TC2N: variants seen among roughly 807,000 people sequenced by gnomAD.
The protein encoded by TC2N is tandem C2 domains, nuclear.
TC2N carries 51 observed loss-of-function variants against 61.9 expected under a neutral mutation model. The ratio of observed to expected loss-of-function variants is 0.82; its 90% confidence interval spans 0.66 to 1.04. TC2N has a LOEUF of 1.04. Among genes scored for constraint, TC2N ranks in the 50% least tolerant of loss-of-function variants. The pLI is 0.00. For synonymous variants in TC2N, 204 were observed against 192.6 expected, an observed-to-expected ratio of 1.06 and a Z score of -0.49; for missense variants, 556 against 566.7, an observed-to-expected ratio of 0.98 and a Z score of 0.19.
At chr14:91,861,875 T>G (rs1167493830) in intron 1 of TC2N, among the ~76,000 whole-genome samples, 3 of 152,066 alleles carry the variant, frequency 2.0e-5, no homozygotes, top group Admixed American at 6.6e-5. Context: ...GCCACTGCAC[T>G]GCAGCCTGGG....
rs561036274 is a variant in TC2N at position 91,808,793 on chromosome 14, A to G, written c.301+3519T>C. ...TCTTACCTTTTTTCTGATTATGAAA[A>G]TAATAGAGTAAAAACTCAAAATTAT... On this transcript the variant is annotated intron_variant, in intron 3 of 11. Transcript: ENST00000435962. Among the ~76,000 whole-genome samples the G allele has an allele frequency of 2.3e-4, 35 of 152,358 alleles. 1 individual carries two copies. In the South Asian group the frequency reaches 6.0e-3, roughly 26 times the overall value.
At chr14:91,820,666 A>C (rs1414331477) in intron 1 of TC2N, among the ~76,000 whole-genome samples, 1 of 151,686 alleles carries the variant, frequency 6.6e-6, no homozygotes, top group East Asian at 1.9e-4. Flanking sequence ...TCAAGAAGTA[A>C]AACACTCTTC....
At chr14:91,849,680 A>G (rs1468082249) in intron 1 of TC2N, among the ~76,000 whole-genome samples, 2 of 152,228 alleles carry the variant, frequency 1.3e-5, no homozygotes, top group Non-Finnish European at 2.9e-5. Flanking sequence ...TAGCATTTTT[A>G]TTCGACTATG....
At chr14:91,835,051 C>T (rs980428983) in intron 1 of TC2N, among the ~76,000 whole-genome samples, 1 of 152,216 alleles carries the variant, frequency 6.6e-6, no homozygotes, top group Non-Finnish European at 1.5e-5. Context: ...CTCATTTTCT[C>T]TCCACCTGAA....
chr14:91,853,866 G>T (rs1195077326), intron 1 of TC2N, among the ~76,000 whole-genome samples: 1 of 151,778 alleles, frequency 6.6e-6, no homozygotes, highest in Non-Finnish European at 1.5e-5. Flanking sequence ...CTGGGATCTG[G>T]CATAAGCTTC....
chr14:91,835,520 T>C (rs1247035052), intron 1 of TC2N, among the ~76,000 whole-genome samples: 1 of 152,232 alleles, frequency 6.6e-6, no homozygotes, highest in Admixed American at 6.5e-5. Context: ...TTTTAAATGT[T>C]CTAAAGAAAT....
chr14:91,822,824 C>T (rs1300497199), intron 1 of TC2N, among the ~76,000 whole-genome samples: 1 of 150,908 alleles, frequency 6.6e-6, no homozygotes, highest in Non-Finnish European at 1.5e-5. Flanking sequence ...ACGCCATTCT[C>T]CTGCCTTAGC....
intron 1 of TC2N, among the ~76,000 whole-genome samples, chr14:91,830,333 T>C (rs1159036463): frequency 6.6e-6 from 1 of 152,136 alleles, no homozygotes; most frequent in Non-Finnish European, 1.5e-5. Flanking sequence ...AAACAAAATG[T>C]GGTATACAGC....
rs1461829685 is a variant in TC2N, at chr14:91,785,453, T to A, written c.1163-92A>T. The stretch of plus-strand genomic sequence containing the variant: ...ACATCCAAGTTGGAATATATATATA[T>A]AACATTTATTGTAAAAAATATAGAT... On this transcript the variant is annotated intron_variant, in intron 10 of 11. Coordinates refer to ENST00000435962, the MANE Select transcript of TC2N (RefSeq NM_001128596.3). 3 of 828,694 alleles carry A rather than the reference T, an allele frequency of 3.6e-6. No individual in the cohort carries two copies. The Admixed American group carries it at 7.2e-5, about 20-fold the overall frequency. The allele number at this position is 828,694 out of a possible 1,614,324, so 51.3% of individuals were successfully genotyped here.
intron 1 of TC2N, among the ~76,000 whole-genome samples, chr14:91,843,469 G>T (rs1888203364): frequency 6.6e-6 from 1 of 152,086 alleles, no homozygotes. Flanking sequence ...TGTCCTTTGG[G>T]TTAGATATAA....
chr14:91,827,224 T>C (rs1231978297), intron 1 of TC2N, among the ~76,000 whole-genome samples: 1 of 152,210 alleles, frequency 6.6e-6, no homozygotes, highest in Non-Finnish European at 1.5e-5. Flanking sequence ...GATATTGTAT[T>C]ACTTTCCTAT....
At chr14:91,802,784 T>C (rs1886323358) in intron 3 of TC2N, among the ~76,000 whole-genome samples, 1 of 151,866 alleles carries the variant, frequency 6.6e-6, no homozygotes, top group African/African-American at 2.4e-5. Flanking sequence ...ACGTAGAACA[T>C]TTATTAAAAT....
At chr14:91,819,548 G>T (rs1421835281) in intron 1 of TC2N, among the ~76,000 whole-genome samples, 1 of 152,118 alleles carries the variant, frequency 6.6e-6, no homozygotes, top group East Asian at 1.9e-4. Flanking sequence ...TACACCACAA[G>T]AAGTGTTAAA....
At chr14:91,810,135 G>A (rs1886698137) in intron 3 of TC2N, among the ~76,000 whole-genome samples, 1 of 152,162 alleles carries the variant, frequency 6.6e-6, no homozygotes, top group Non-Finnish European at 1.5e-5. Flanking sequence ...GCAACAGCAG[G>A]AGCAAGAGAT....
At position 91,832,386 on chromosome 14, in the gene TC2N, G is replaced by A. The variant is rs530813390; in HGVS notation, c.-56-18561C>T. On this transcript the variant is annotated intron_variant, in intron 1 of 11. Transcript: ENST00000435962. Reference sequence around the variant, plus strand: ...GCATGGGCAATAAGAGCAAAACTCCGTCTCAAAAAAAAAAAAAATCTATGT... The same window carrying A: ...GCATGGGCAATAAGAGCAAAACTCCATCTCAAAAAAAAAAAAAATCTATGT... Among the ~76,000 whole-genome samples, 107 of 28,814 alleles carry A rather than the reference G, an allele frequency of 3.7e-3. 1 individual carries two copies. The East Asian group carries it at 0.054, about 15-fold the overall frequency. The allele number at this position is 28,814 out of a possible 152,430, so 18.9% of individuals were successfully genotyped here. A position where few individuals can be genotyped will look rare whatever the true frequency, so the allele number is the denominator to read the frequency against.
chr14:91,826,525 CTT>C lies in TC2N; in HGVS notation c.-56-12702_-56-12701del, dbSNP rs1266730473. Among the ~76,000 whole-genome samples, 5 of 152,094 alleles carry C rather than the reference CTT, an allele frequency of 3.3e-5. No individual in the cohort carries two copies. In the South Asian group the frequency reaches 6.2e-4, roughly 19 times the overall value. On this transcript the variant is annotated intron_variant, in intron 1 of 11. Transcript: ENST00000435962. Reference sequence around the variant, plus strand: ...GGTACATATAAATTTATTAATCTCCCTTTCAATCTTTAGTAATACTTCTAGAA... The same window carrying C: ...GGTACATATAAATTTATTAATCTCCCTCAATCTTTAGTAATACTTCTAGAA...
rs749656524 is a variant in TC2N, at chr14:91,837,895, G to A, written c.-56-24070C>T. 1.3e-5 allele frequency among the ~76,000 whole-genome samples: 2 copies of A among 152,246 alleles called. No homozygotes were observed. The highest frequency in any genetic ancestry group is 2.1e-4 in the South Asian group (1 of 4,826). On this transcript the variant is annotated intron_variant, in intron 1 of 11. Coordinates refer to ENST00000435962, the MANE Select transcript of TC2N (RefSeq NM_001128596.3). This position sits in a 1 kb window ranked among gnomAD's most constrained non-coding sequence, Gnocchi z 4.2. ...AACCACTGCTTTCAACTCCTAGTAC[G>A]TTCACATTTAATAATGTATCACAAA...
At chr14:91,865,376 T>TC (rs1888676734) in intron 1 of TC2N, among the ~76,000 whole-genome samples, 1 of 145,420 alleles carries the variant, frequency 6.9e-6, no homozygotes, top group Non-Finnish European at 1.5e-5. Flanking sequence ...TTGGTTTTTT[T>TC]TTTTTTTTTT....
At chr14:91,844,110 T>C (rs1414733180) in intron 1 of TC2N, among the ~76,000 whole-genome samples, 1 of 152,180 alleles carries the variant, frequency 6.6e-6, no homozygotes, top group Non-Finnish European at 1.5e-5. Context: ...ATAAAGTGGC[T>C]TTTAAAGAGT....
Sources: allele counts gnomAD v4.1 joint callset (sites outside exome capture counted in the v4.1 genomes callset), GRCh38; gene constraint gnomAD v4.1.1; non-coding constraint Gnocchi (gnomAD v3.1); transcripts MANE v1.5; gene names NCBI Gene and HGNC (gene_info 2026-07-23, HGNC 2026-07-21).